Variants in PARVB observed in about 807,000 individuals in gnomAD.
PARVB encodes beta-parvin.
PARVB carries 46 observed loss-of-function variants against 47.0 expected under a neutral mutation model. That is an observed-to-expected ratio of 0.98 (90% CI 0.77 to 1.25). The LOEUF is 1.25. Among genes scored for constraint, PARVB ranks in the 50% most tolerant of loss-of-function variants. PARVB has a pLI of 0.00. For missense variants in PARVB, 473 were observed against 471.6 expected (o/e 1.00, Z -0.03); for synonymous variants, 196 against 196.3 (o/e 1.00, Z 0.01).
At chr22:44,135,500 G>A (rs912924062) in intron 6 of PARVB, among the ~76,000 whole-genome samples, 1 of 152,116 alleles carries the variant, frequency 6.6e-6, no homozygotes, top group Admixed American at 6.6e-5. Context: ...CTCATGATCT[G>A]CCTGCCTTGG....
intron 7 of PARVB, chr22:44,139,137 A>G (rs1031111202): frequency 3.3e-5 from 5 of 152,258 alleles, no homozygotes; most frequent in African/African-American, 1.2e-4. Context: ...TAGTTCCACA[A>G]GTCCTGCAAG....
chr22:44,098,966 A>T (rs1268725347), intron 2 of PARVB, among the ~76,000 whole-genome samples: 1 of 152,070 alleles, frequency 6.6e-6, no homozygotes, highest in Non-Finnish European at 1.5e-5. Context: ...GGAGCCACTT[A>T]CGCTCAGCTT....
chr22:44,100,184 C>T (rs2052409424), intron 3 of PARVB, 61 bp downstream of exon 3: 3 of 1,336,086 alleles, frequency 2.2e-6, no homozygotes, highest in African/African-American at 1.4e-5. Flanking sequence ...CTTTGGGGTT[C>T]AGGGCTCTCA....
At chr22:44,127,930 T>C (rs1173926539) in intron 4 of PARVB, among the ~76,000 whole-genome samples, 1 of 152,092 alleles carries the variant, frequency 6.6e-6, no homozygotes, top group Non-Finnish European at 1.5e-5. Context: ...GGATCACAGA[T>C]GCATACCACC....
chr22:44,029,722 C>A (rs2050790753), intron 1 of PARVB, among the ~76,000 whole-genome samples: 1 of 152,118 alleles, frequency 6.6e-6, no homozygotes, highest in Non-Finnish European at 1.5e-5. Flanking sequence ...CCAGCCTGGC[C>A]AACGTGGTGA....
chr22:44,014,840 C>T (rs2050559444), intron 2 of PARVB, among the ~76,000 whole-genome samples: 1 of 142,734 alleles, frequency 7.0e-6, no homozygotes, highest in Non-Finnish European at 1.5e-5. Context: ...AAAATCATTA[C>T]AACAGACACA....
At chr22:44,138,531 C>A (rs1272653879) in intron 7 of PARVB, among the ~76,000 whole-genome samples, 2 of 152,152 alleles carry the variant, frequency 1.3e-5, no homozygotes, top group East Asian at 3.9e-4. Context: ...CCTTCCCCTC[C>A]CCGTGGCTGC....
intron 1 of PARVB, among the ~76,000 whole-genome samples, chr22:44,073,202 G>GT (rs775836497): frequency 6.6e-6 from 1 of 152,188 alleles, no homozygotes; most frequent in Non-Finnish European, 1.5e-5. Flanking sequence ...TTTAAAGTCA[G>GT]AAGTGGGCTG....
chr22:44,040,458 G>T (rs1305458912), intron 1 of PARVB, among the ~76,000 whole-genome samples: 2 of 152,120 alleles, frequency 1.3e-5, no homozygotes, highest in Non-Finnish European at 2.9e-5. Context: ...TGGGTTATTT[G>T]GGTGGGCCCA....
chr22:44,042,089 A>G (rs1287294184), intron 1 of PARVB, among the ~76,000 whole-genome samples: 4 of 151,966 alleles, frequency 2.6e-5, no homozygotes, highest in Non-Finnish European at 4.4e-5. Flanking sequence ...ATAAACATAC[A>G]ATGAGGCCAT....
chr22:44,066,656 G>C (rs759252717), intron 1 of PARVB, among the ~76,000 whole-genome samples: 30 of 152,132 alleles, frequency 2.0e-4, no homozygotes, highest in Admixed American at 5.9e-4. Flanking sequence ...ACAGCCTGTC[G>C]ACCACTCACT....
At chr22:44,161,093 G>A (rs772368348) in intron 11 of PARVB, among the ~76,000 whole-genome samples, 8 of 152,010 alleles carry the variant, frequency 5.3e-5, no homozygotes, top group Admixed American at 6.6e-5. Flanking sequence ...TCTCCATCTC[G>A]ATTTGGGGTC....
rs111500041 is a variant in PARVB, at chr22:44,147,236, G to A, written c.713-625G>A. ...ATTTTATCTGAGTGTCCCATGGCTC[G>A]CAGGAGAGAAGATAGATTTTATTCT... On this transcript the variant is annotated intron_variant, in intron 8 of 12. Coordinates refer to ENST00000338758, the MANE Select transcript of PARVB (RefSeq NM_013327.5). The A allele has an allele frequency of 6.6e-3, 1,260 of 191,016 alleles. 11 individuals are homozygous for A. The highest frequency in any genetic ancestry group is 0.026 in the South Asian group (232 of 9,014). 11.8% of individuals were successfully genotyped at this position (191,016 alleles called of 1,614,324 possible). A position where few individuals can be genotyped will look rare whatever the true frequency, so the allele number is the denominator to read the frequency against.
chr22:44,026,509 G>A (rs976748430), intron 1 of PARVB: 2 of 196,954 alleles, frequency 1.0e-5, no homozygotes, highest in African/African-American at 4.7e-5. Flanking sequence ...GCTTCTGTGT[G>A]GTCTCCTGGG....
chr22:44,066,804 C>CCTCCTT (rs745683370), intron 1 of PARVB, among the ~76,000 whole-genome samples: 44,027 of 130,660 alleles, frequency 0.34, 8,355 homozygotes, highest in Admixed American at 0.36. Flanking sequence ...TCCTCCTCCT[C>CCTCCTT]CTCCTCCTCC....
At chr22:44,160,800 G>T (rs1410493345) in intron 11 of PARVB, among the ~76,000 whole-genome samples, 1 of 152,212 alleles carries the variant, frequency 6.6e-6, no homozygotes, top group Non-Finnish European at 1.5e-5. Flanking sequence ...AAGGGGCTTT[G>T]CTCTCCCCTT....
intron 9 of PARVB, chr22:44,151,240 G>T: frequency 2.2e-6 from 1 of 464,246 alleles, no homozygotes; most frequent in Non-Finnish European, 4.0e-6. Context: ...GCACGGATTG[G>T]CATATGTGTG....
At chr22:44,079,908 AC>A (rs1355769992) in intron 1 of PARVB, among the ~76,000 whole-genome samples, 8 of 152,120 alleles carry the variant, frequency 5.3e-5, no homozygotes, top group Non-Finnish European at 1.2e-4. Context: ...AGCCTGGGGG[AC>A]AGAGCAAGAC....
intron 1 of PARVB, among the ~76,000 whole-genome samples, chr22:44,065,651 A>G (rs1052694873): frequency 2.6e-5 from 4 of 152,112 alleles, no homozygotes; most frequent in Admixed American, 2.0e-4. Flanking sequence ...CAAGTCCCCA[A>G]AGTCCATTGT....
Sources: gnomAD v4.1 joint callset for allele counts (sites outside exome capture counted in the v4.1 genomes callset) on GRCh38, gnomAD v4.1.1 for gene constraint, MANE v1.5 for transcripts, NCBI Gene and HGNC (gene_info 2026-07-23, HGNC 2026-07-21) for gene names.